Variants in ERGIC1 observed in about 807,000 individuals in gnomAD.
ERGIC1 encodes the protein endoplasmic reticulum-Golgi intermediate compartment protein 1.
ERGIC1 carries 19 observed loss-of-function variants against 38.3 expected under a neutral mutation model. That is an observed-to-expected ratio of 0.50 (90% confidence interval 0.35 to 0.73). The LOEUF is 0.73. Ranked by LOEUF, ERGIC1 falls within the 30% of genes least tolerant of loss-of-function variation. The pLI is 0.01. For missense variants in ERGIC1, 294 were observed against 389.2 expected, an observed-to-expected ratio of 0.76 and a Z score of 2.06; for synonymous variants, 124 against 157.6, an observed-to-expected ratio of 0.79 and a Z score of 1.60.
chr5:172,943,559 T>G (rs910096530), intron 9 of ERGIC1, among the ~76,000 whole-genome samples: 4 of 152,192 alleles, frequency 2.6e-5, no homozygotes, highest in Non-Finnish European at 4.4e-5. Context: ...GGAAAGTGAC[T>G]GAACAGTTCC....
intron 9 of ERGIC1, among the ~76,000 whole-genome samples, chr5:172,940,940 A>G (rs561955830): frequency 6.6e-6 from 1 of 152,328 alleles, no homozygotes; most frequent in Non-Finnish European, 1.5e-5. Context: ...CCTGACCTGG[A>G]CACAGGTGCT....
chr5:172,878,490 T>C (rs910642751), intron 1 of ERGIC1, among the ~76,000 whole-genome samples: 8 of 152,210 alleles, frequency 5.3e-5, no homozygotes, highest in Non-Finnish European at 1.0e-4. Context: ...TCCGAGATAC[T>C]GAACGCAAAG....
chr5:172,871,201 G>C (rs56176401), intron 1 of ERGIC1, among the ~76,000 whole-genome samples: 29 of 152,254 alleles, frequency 1.9e-4, no homozygotes, highest in Non-Finnish European at 2.6e-4. Context: ...ATTGGAGATG[G>C]CTTCTCAGAG....
At chr5:172,873,440 G>A (rs1165111777) in intron 1 of ERGIC1, among the ~76,000 whole-genome samples, 2 of 152,254 alleles carry the variant, frequency 1.3e-5, no homozygotes, top group East Asian at 3.9e-4. Context: ...CCCCTCTCCA[G>A]CCTTGCCCAG....
At chr5:172,895,254 G>T (rs1326477042) in intron 2 of ERGIC1, among the ~76,000 whole-genome samples, 1 of 152,200 alleles carries the variant, frequency 6.6e-6, no homozygotes, top group Non-Finnish European at 1.5e-5. Context: ...TCTGTTTCAA[G>T]CTCAATCCTT....
At chr5:172,884,123 C>T (rs903592158) in intron 1 of ERGIC1, among the ~76,000 whole-genome samples, 3 of 151,880 alleles carry the variant, frequency 2.0e-5, no homozygotes, top group Non-Finnish European at 2.9e-5. Flanking sequence ...TTGATTTGTT[C>T]ATTTCTTTAT....
intron 1 of ERGIC1, among the ~76,000 whole-genome samples, chr5:172,838,999 G>A (rs550928923): frequency 6.6e-6 from 1 of 152,202 alleles, no homozygotes; most frequent in East Asian, 1.9e-4. Context: ...CCAGCACTTT[G>A]GGAGGCTGAG....
At position 172,894,218 on chromosome 5, in the gene ERGIC1, C is replaced by T. The variant is rs1355727309; in HGVS notation, c.83-2784C>T. 2.5e-4 allele frequency among the ~76,000 whole-genome samples: 15 copies of T among 58,856 alleles called. No homozygotes were observed. In the East Asian group the frequency reaches 3.8e-3, roughly 15 times the overall value. The allele number at this position is 58,856 out of a possible 152,430, so 38.6% of individuals were successfully genotyped here. A position where few individuals can be genotyped will look rare whatever the true frequency, so the allele number is the denominator to read the frequency against. ...TTCTTTTTTTTTTTTTTTTTTGAGA[C>T]GGAGTCTTGCTCTTTTACCCAGGCT... On this transcript the variant is annotated intron_variant, in intron 2 of 9. Coordinates refer to ENST00000393784, the MANE Select transcript of ERGIC1 (RefSeq NM_001031711.3).
At chr5:172,915,526 G>T (rs1324016859) in intron 5 of ERGIC1, 1 of 466,462 alleles carries the variant, frequency 2.1e-6, no homozygotes, top group Middle Eastern at 3.3e-4. Context: ...AGAACCAGGA[G>T]CTTCAGATCC....
intron 2 of ERGIC1, 150 bp downstream of exon 2, chr5:172,888,910 A>G: frequency 1.3e-6 from 1 of 747,840 alleles, no homozygotes; most frequent in Non-Finnish European, 2.4e-6. Context: ...CCCTTCAAGC[A>G]TTTCCTCACT....
At chr5:172,914,639 C>T in intron 4 of ERGIC1, 75 bp from the exon 5 acceptor site, 1 of 1,612,606 alleles carries the variant, frequency 6.2e-7, no homozygotes, top group Non-Finnish European at 8.5e-7. Flanking sequence ...ATGAAGGCTC[C>T]CAGAGAGAAC....
Position 172,926,417 on chromosome 5 carries a change from A to T in ERGIC1, c.481-92A>T, listed in dbSNP as rs1039570803. 3 of 1,401,006 alleles carry T rather than the reference A, an allele frequency of 2.1e-6. No homozygotes were observed. The highest frequency in any genetic ancestry group is 3.0e-6 in the Non-Finnish European group (3 of 989,624). 86.8% of individuals were successfully genotyped at this position (1,401,006 alleles called of 1,614,324 possible). On this transcript the variant is annotated intron_variant, in intron 6 of 9. Coordinates refer to ENST00000393784, the MANE Select transcript of ERGIC1 (RefSeq NM_001031711.3). The surrounding 1 kb of genome is among the most constrained non-coding windows in gnomAD (Gnocchi z 5.2). ...TTTTACACATTGGTAGGGTTCCTAG[A>T]CCAGGTGGTACCTGGCCATCCCCCA...
At chr5:172,900,987 T>C (rs955070079) in intron 3 of ERGIC1, among the ~76,000 whole-genome samples, 1 of 152,056 alleles carries the variant, frequency 6.6e-6, no homozygotes, top group African/African-American at 2.4e-5. Context: ...ATCTTTGGGG[T>C]CTTCCAGTTG....
At chr5:172,860,589 G>A (rs1674824918) in intron 1 of ERGIC1, among the ~76,000 whole-genome samples, 1 of 152,202 alleles carries the variant, frequency 6.6e-6, no homozygotes, top group South Asian at 2.1e-4. Flanking sequence ...AAGCCTCAGA[G>A]CTGTGACCGT....
At chr5:172,884,244 G>GTT (rs71579704) in intron 1 of ERGIC1, among the ~76,000 whole-genome samples, 21,964 of 89,546 alleles carry the variant, frequency 0.25, 3,145 homozygotes, top group Admixed American at 0.26. Context: ...GGAACCCCAA[G>GTT]TTTTTTTTTT....
Position 172,835,688 on chromosome 5 carries a change from C to T in ERGIC1, c.20+1255C>T, listed in dbSNP as rs113568163. Among the ~76,000 whole-genome samples, 285 of 152,346 alleles carry T rather than the reference C, an allele frequency of 1.9e-3. 2 individuals carry two copies. The highest frequency in any genetic ancestry group is 6.5e-3 in the African/African-American group (271 of 41,574). On this transcript the variant is annotated intron_variant, in intron 1 of 9. Coordinates refer to ENST00000393784, the MANE Select transcript of ERGIC1 (RefSeq NM_001031711.3). The stretch of plus-strand genomic sequence containing the variant: ...CCTTAGCCTGCCATGACCCCCATAG[C>T]ATGGGATATATTGGGGTTTAGGCCC...
At chr5:172,949,089 CATTT>C (rs1316556785) in intron 9 of ERGIC1, among the ~76,000 whole-genome samples, 2 of 152,224 alleles carry the variant, frequency 1.3e-5, no homozygotes, top group African/African-American at 4.8e-5. Flanking sequence ...CTGTGAACTT[CATTT>C]GTCTTCCATC....
chr5:172,896,596 A>C (rs565719656), intron 2 of ERGIC1, among the ~76,000 whole-genome samples: 2 of 152,344 alleles, frequency 1.3e-5, no homozygotes, highest in South Asian at 4.1e-4. Context: ...AGAAGCCAGA[A>C]TGCTGGCCTT....
intron 5 of ERGIC1, among the ~76,000 whole-genome samples, chr5:172,922,980 G>C (rs1313244453): frequency 6.6e-6 from 1 of 152,192 alleles, no homozygotes; most frequent in Non-Finnish European, 1.5e-5. Context: ...TGTTTGGAAG[G>C]TGGAGCTAAC....
Sources: allele counts gnomAD v4.1 joint callset (sites outside exome capture counted in the v4.1 genomes callset), GRCh38; gene constraint gnomAD v4.1.1; non-coding constraint Gnocchi (gnomAD v3.1); transcripts MANE v1.5; gene names NCBI Gene and HGNC (gene_info 2026-07-23, HGNC 2026-07-21).